COL28A1: variants seen among roughly 807,000 people sequenced by gnomAD.
COL28A1 encodes collagen alpha-1(XXVIII) chain.
COL28A1 carries 161 observed loss-of-function variants against 150.2 expected under a neutral mutation model. That is an observed-to-expected ratio of 1.07 (90% CI 0.94 to 1.22). The LOEUF (loss-of-function observed/expected upper bound fraction) is 1.22. Ranked by LOEUF, COL28A1 falls within the 50% of genes most tolerant of loss-of-function variation. The pLI is 0.00. For synonymous variants in COL28A1, 552 were observed against 469.7 expected (o/e 1.18, Z -2.26); for missense variants, 1,617 against 1,388.3 (o/e 1.16, Z -2.62).
intron 32 of COL28A1, among the ~76,000 whole-genome samples, 156 bp from the exon 33 acceptor site, chr7:7,371,038 C>T (rs1781199813): frequency 6.6e-6 from 1 of 152,104 alleles, no homozygotes; most frequent in South Asian, 2.1e-4. Flanking sequence ...TTTTTACATC[C>T]TGTGTAAGAG....
intron 13 of COL28A1, among the ~76,000 whole-genome samples, chr7:7,486,787 A>AC (rs1264405074): frequency 6.6e-6 from 1 of 152,136 alleles, no homozygotes; most frequent in East Asian, 1.9e-4. Flanking sequence ...CACAGGATAA[A>AC]CCCCACTTAG....
chr7:7,355,934 G>A (rs992578628), downstream of COL28A1, among the ~76,000 whole-genome samples: 3 of 152,052 alleles, frequency 2.0e-5, no homozygotes, highest in Non-Finnish European at 4.4e-5. Context: ...TGAAATAGGA[G>A]AACTTAACTG....
the COL28A1 span, among the ~76,000 whole-genome samples, chr7:7,344,518 T>C: frequency 0.03 from 4,516 of 152,228 alleles, 216 homozygotes; most frequent in African/African-American, 0.1. Context: ...TGCAACAATA[T>C]AGTTTCATTT....
chr7:7,542,397 A>G, the COL28A1 span, among the ~76,000 whole-genome samples: 1 of 152,238 alleles, frequency 6.6e-6, no homozygotes, highest in Non-Finnish European at 1.5e-5. Flanking sequence ...ATTATGCAAT[A>G]GAGCAAATAT....
At chr7:7,410,254 T>C (rs769262356) in intron 27 of COL28A1, among the ~76,000 whole-genome samples, 7 of 152,188 alleles carry the variant, frequency 4.6e-5, no homozygotes, top group Non-Finnish European at 1.0e-4. Context: ...ACAATTTGGT[T>C]TTAAAAATAA....
At chr7:7,378,807 G>C (rs1426083156) in intron 30 of COL28A1, among the ~76,000 whole-genome samples, 1 of 152,206 alleles carries the variant, frequency 6.6e-6, no homozygotes, top group African/African-American at 2.4e-5. Flanking sequence ...CTGTCATGCA[G>C]ATTAAAGGTG....
chr7:7,496,373 G>C (rs551367747), intron 11 of COL28A1, among the ~76,000 whole-genome samples: 2 of 152,282 alleles, frequency 1.3e-5, no homozygotes, highest in African/African-American at 4.8e-5. Flanking sequence ...AGCTGTGGGA[G>C]GTGAACAAAA....
intron 15 of COL28A1, among the ~76,000 whole-genome samples, chr7:7,459,826 A>G (rs1787468123): frequency 1.3e-5 from 2 of 152,242 alleles, no homozygotes; most frequent in Admixed American, 1.3e-4. Flanking sequence ...AAGATCAAAC[A>G]AGGCCACCCC....
intron 34 of COL28A1, 74 bp downstream of exon 34, chr7:7,360,316 T>A: frequency 1.4e-6 from 2 of 1,401,388 alleles, no homozygotes; most frequent in Non-Finnish European, 1.9e-6. Context: ...GGCAGATCTC[T>A]CTTTCCTTTG....
the COL28A1 span, among the ~76,000 whole-genome samples, chr7:7,349,078 ATCAAT>A: frequency 7.9e-5 from 12 of 152,176 alleles, no homozygotes; most frequent in South Asian, 2.5e-3. Context: ...CTTCTTTTCA[ATCAAT>A]TCAAAACATT....
intron 11 of COL28A1, among the ~76,000 whole-genome samples, chr7:7,500,570 G>GCA (rs1780463941): frequency 1.3e-5 from 2 of 152,138 alleles, no homozygotes; most frequent in Admixed American, 1.3e-4. Context: ...AACTTGATTA[G>GCA]CACACTTCCA....
intron 19 of COL28A1, 30 bp from the exon 20 acceptor site, chr7:7,443,683 G>A: frequency 1.2e-6 from 2 of 1,613,460 alleles, no homozygotes; most frequent in Non-Finnish European, 1.7e-6. Context: ...TGTGTTAGCT[G>A]ACCCTCCAGT....
intron 4 of COL28A1, among the ~76,000 whole-genome samples, chr7:7,523,556 A>G (rs1169836232): frequency 6.6e-6 from 1 of 152,020 alleles, no homozygotes; most frequent in East Asian, 1.9e-4. Context: ...GTTGACTCCT[A>G]TTATTTTATG....
In COL28A1 at chr7:7,490,611, T is replaced by C; in HGVS notation, c.1062A>G (p.Pro354=). The change falls in exon 12 of 35, where the codon CCA becomes CCG. Residue 354 remains proline (P), a synonymous_variant. Transcript: ENST00000399429. Reference sequence around the variant, plus strand: ...CTTGCTGTCCAATTCCAGGAGCTCCTGGAGAACCATAAGGACCAGGAGGAC... The same window carrying C: ...CTTGCTGTCCAATTCCAGGAGCTCCCGGAGAACCATAAGGACCAGGAGGAC... ...EPGPPGPYGS[P]GAPGIGQQGI... 4 of 1,395,802 alleles carry C rather than the reference T, an allele frequency of 2.9e-6. No individual in the cohort carries two copies. Among genetic ancestry groups the C allele is most frequent in the Non-Finnish European group, 4.1e-6 (4 of 981,938 alleles). The allele number at this position is 1,395,802 out of a possible 1,614,324, so 86.5% of individuals were successfully genotyped here.
At chr7:7,339,957 C>T in the COL28A1 span, among the ~76,000 whole-genome samples, 1 of 152,070 alleles carries the variant, frequency 6.6e-6, no homozygotes, top group Non-Finnish European at 1.5e-5. Flanking sequence ...AAATCCTGCA[C>T]AAATGTTGAT....
intron 27 of COL28A1, among the ~76,000 whole-genome samples, chr7:7,399,932 C>T (rs1009199271): frequency 2.0e-5 from 3 of 152,234 alleles, no homozygotes; most frequent in Non-Finnish European, 2.9e-5. Flanking sequence ...GAACTGCTGA[C>T]CTGTGTGGCC....
At chr7:7,383,680 GTGTA>G (rs987298338) in intron 27 of COL28A1, among the ~76,000 whole-genome samples, 8 of 46,350 alleles carry the variant, frequency 1.7e-4, no homozygotes, top group South Asian at 1.1e-3. Flanking sequence ...GTGTGTGTGT[GTGTA>G]TATATATATA....
chr7:7,532,847 A>T lies in COL28A1; in HGVS notation c.29T>A (p.Leu10His). 1 of 1,611,628 alleles carries T rather than the reference A, an allele frequency of 6.2e-7. No individual in the cohort carries two copies. Among genetic ancestry groups the T allele is most frequent in the East Asian group, 2.2e-5 (1 of 44,794 alleles). MWNRYFVFY[L>H]LLLSAFTSQT... ...ACTCGTAAACGCTGACAAAAGCAGG[A>T]GATAGAAGACAAAATATCTGTTCCA... Residue 10 changes from leucine to histidine, a missense_variant, in exon 2 of 35, where the codon CTC becomes CAC. Coordinates refer to ENST00000399429, the MANE Select transcript of COL28A1 (RefSeq NM_001037763.3).
the COL28A1 span, among the ~76,000 whole-genome samples, chr7:7,342,199 T>C: frequency 6.6e-6 from 1 of 152,128 alleles, no homozygotes; most frequent in South Asian, 2.1e-4. Context: ...AATCTCTATC[T>C]CCAATAATGC....
Sources: gnomAD v4.1 joint callset for allele counts (sites outside exome capture counted in the v4.1 genomes callset) on GRCh38, gnomAD v4.1.1 for gene constraint, MANE v1.5 for transcripts, NCBI Gene and HGNC (gene_info 2026-07-23, HGNC 2026-07-21) for gene names.